The following ACO1 variants were observed in gnomAD, a reference collection of about 807,000 sequenced individuals.
ACO1 encodes aconitase 1.
Under a neutral mutation model 105.1 loss-of-function variants are expected in ACO1, and 78 were observed. That is an observed-to-expected ratio of 0.74 (90% CI 0.62 to 0.90). The LOEUF (loss-of-function observed/expected upper bound fraction) is 0.90. Among genes scored for constraint, ACO1 ranks in the 40% least tolerant of loss-of-function variants. The pLI is 0.00. For synonymous variants in ACO1, 364 were observed against 397.4 expected, an observed-to-expected ratio of 0.92 and a Z score of 1.00; for missense variants, 965 against 1,111.1, an observed-to-expected ratio of 0.87 and a Z score of 1.87.
intron 19 of ACO1, among the ~76,000 whole-genome samples, chr9:32,445,280 C>T (rs1039607725): frequency 1.3e-5 from 2 of 152,134 alleles, no homozygotes; most frequent in Admixed American, 1.3e-4. Context: ...ATTACTGCCT[C>T]AATTTCAGAA....
chr9:32,420,868 G>C lies in ACO1; in HGVS notation c.811G>C (p.Val271Leu), dbSNP rs1169225031. The change falls in exon 8 of 21, where the codon GTT (valine) becomes CTT (leucine). Residue 271 changes from valine (V) to leucine (L), a missense_variant. Val to Leu is a conservative substitution (Grantham distance 32). Coordinates refer to ENST00000309951, the MANE Select transcript of ACO1 (RefSeq NM_002197.3). ...TTCTGCTGCTTAGCACCTCCGCCAG[G>C]TTGGGGTAGTGGGCAAATTTGTCGA... ...VLTITKHLRQ[V>L]GVVGKFVEFF... is the part of the protein sequence containing the mutation. The C allele has an allele frequency of 6.2e-7, 1 of 1,613,660 alleles. No individual in the cohort carries two copies. The highest frequency in any genetic ancestry group is 1.3e-5 in the African/African-American group (1 of 74,918).
At chr9:32,427,169 C>G (rs1042145157) in intron 11 of ACO1, 132 bp from the exon 12 acceptor site, 1 of 1,157,926 alleles carries the variant, frequency 8.6e-7, no homozygotes, top group Non-Finnish European at 1.2e-6. Flanking sequence ...GCAGATAGCG[C>G]CAACATGAAG....
chr9:32,392,199 G>T (rs1171199483), intron 1 of ACO1, among the ~76,000 whole-genome samples: 3 of 152,116 alleles, frequency 2.0e-5, no homozygotes, highest in Non-Finnish European at 4.4e-5. Flanking sequence ...ACTGTAAAAT[G>T]ATATCACTTG....
In ACO1 at chr9:32,395,843, A is replaced by G. The variant is rs144663146; in HGVS notation, c.-22-9642A>G. 9.9e-3 allele frequency among the ~76,000 whole-genome samples: 1,513 copies of G among 152,362 alleles called. 24 individuals carry two copies. Among genetic ancestry groups the G allele is most frequent in the African/African-American group, 0.034 (1,420 of 41,590 alleles). On this transcript the variant is annotated intron_variant, in intron 1 of 20. Transcript: ENST00000309951. Reference sequence around the variant, plus strand: ...CAGTGACACTAAAAAGTAAAAGTGAATATTTCTGTGAGTTTGTGCTGCTGC... The same window carrying G: ...CAGTGACACTAAAAAGTAAAAGTGAGTATTTCTGTGAGTTTGTGCTGCTGC...
At position 32,408,500 on chromosome 9, in the gene ACO1, C is replaced by G. The variant is rs1821663303; in HGVS notation, c.267-14C>G. On this transcript the variant is annotated splice_polypyrimidine_tract_variant and intron_variant, in intron 3 of 20. Transcript: ENST00000309951. ...TAAGGCTTATTTTCTGCATTATTCTCTTTCTTCTCTTAGGGGTGTGCCCGC... is the reference window on the plus strand; with the variant it reads ...TAAGGCTTATTTTCTGCATTATTCTGTTTCTTCTCTTAGGGGTGTGCCCGC... 6.2e-7 allele frequency: 1 copy of G among 1,612,962 alleles called. No homozygotes were observed. Among genetic ancestry groups the G allele is most frequent in the Admixed American group, 1.7e-5 (1 of 59,736 alleles).
chr9:32,425,692 A>G, intron 10 of ACO1, 146 bp from the exon 11 acceptor site: 1 of 472,776 alleles, frequency 2.1e-6, no homozygotes, highest in African/African-American at 2.0e-5. Context: ...TTTGTTAAGA[A>G]TTGGCCTTTA....
intron 4 of ACO1, among the ~76,000 whole-genome samples, chr9:32,412,001 G>A (rs1821750997): frequency 6.6e-6 from 1 of 152,092 alleles, no homozygotes; most frequent in Non-Finnish European, 1.5e-5. Context: ...AGCCTTCCGA[G>A]TAGCTGTGAT....
chr9:32,384,798 C>T (rs1202769655), intron 1 of ACO1, 63 bp downstream of exon 1: 3 of 323,086 alleles, frequency 9.3e-6, no homozygotes, highest in African/African-American at 6.8e-5. Context: ...CTGTATCCCT[C>T]GAGAGTCGGT....
In ACO1 at chr9:32,399,966, G is replaced by GTTTTTTT. The variant is rs57615512; in HGVS notation, c.-22-5503_-22-5497dup. Among the ~76,000 whole-genome samples the GTTTTTTT allele has an allele frequency of 4.3e-3, 301 of 69,808 alleles. 26 individuals carry two copies. Among genetic ancestry groups the GTTTTTTT allele is most frequent in the Admixed American group, 5.2e-3 (24 of 4,598 alleles). The allele number at this position is 69,808 out of a possible 152,430, so 45.8% of individuals were successfully genotyped here. On this transcript the variant is annotated intron_variant, in intron 1 of 20. Coordinates refer to ENST00000309951, the MANE Select transcript of ACO1 (RefSeq NM_002197.3). ...ATTTCTTTTATTTTTTTCTTTTTCT[G>GTTTTTTT]TTTTTTTTTTTTTTTTTTTTTTGCG...
chr9:32,436,664 G>A (rs1331621818), intron 18 of ACO1, among the ~76,000 whole-genome samples: 1 of 152,204 alleles, frequency 6.6e-6, no homozygotes, highest in Admixed American at 6.5e-5. Flanking sequence ...TTCATTTAAA[G>A]TATTCGAAGG....
chr9:32,420,868 G>T lies in ACO1; in HGVS notation c.811G>T (p.Val271Phe). ...TTCTGCTGCTTAGCACCTCCGCCAG[G>T]TTGGGGTAGTGGGCAAATTTGTCGA... ...VLTITKHLRQVGVVGKFVEFF... is the reference protein window; with the variant it reads ...VLTITKHLRQFGVVGKFVEFF... The change falls in exon 8 of 21, where the codon GTT becomes TTT. Residue 271 changes from valine (V) to phenylalanine (F), a missense_variant. By Grantham distance (50) the Val-to-Phe change is conservative. Coordinates refer to ENST00000309951, the MANE Select transcript of ACO1 (RefSeq NM_002197.3). The T allele has an allele frequency of 6.2e-7, 1 of 1,613,778 alleles. No homozygotes were observed. Among genetic ancestry groups the T allele is most frequent in the South Asian group, 1.1e-5 (1 of 91,052 alleles).
At chr9:32,436,016 A>G (rs7022554) in intron 17 of ACO1, 373,866 of 669,714 alleles carry the variant, frequency 0.56, 105,270 homozygotes, top group African/African-American at 0.58. Context: ...TTGAAAGACA[A>G]TTAACCCAGG....
At chr9:32,405,675 TGAG>T (rs1408739411) in intron 2 of ACO1, 72 bp downstream of exon 2, 18 of 1,142,906 alleles carry the variant, frequency 1.6e-5, no homozygotes, top group Admixed American at 1.1e-4. Flanking sequence ...TAATTACACT[TGAG>T]GAGAGTTTGA....
At chr9:32,392,871 A>G (rs143202855) in intron 1 of ACO1, among the ~76,000 whole-genome samples, 6,482 of 152,276 alleles carry the variant, frequency 0.043, 217 homozygotes, top group African/African-American at 0.083. Context: ...CTCTACTGCA[A>G]TCTCTGAACA....
chr9:32,420,245 C>A (rs929274865), intron 7 of ACO1, among the ~76,000 whole-genome samples: 1 of 114,284 alleles, frequency 8.8e-6, no homozygotes, highest in African/African-American at 2.6e-5. Context: ...TTGACTTATA[C>A]TTGTAGCATG....
chr9:32,442,751 C>A (rs1822510580), intron 19 of ACO1, among the ~76,000 whole-genome samples: 1 of 152,164 alleles, frequency 6.6e-6, no homozygotes, highest in Admixed American at 6.5e-5. Context: ...GATGTGGATT[C>A]CAGATACAAT....
At chr9:32,423,034 C>A (rs1822009560) in intron 8 of ACO1, among the ~76,000 whole-genome samples, 1 of 152,124 alleles carries the variant, frequency 6.6e-6, no homozygotes, top group African/African-American at 2.4e-5. Flanking sequence ...AAAGGCTATA[C>A]CCCAAAAGAG....
intron 2 of ACO1, among the ~76,000 whole-genome samples, chr9:32,406,418 T>G (rs113970531): frequency 0.027 from 4,038 of 152,250 alleles, 174 homozygotes; most frequent in African/African-American, 0.093. Context: ...TCCAGGAGTT[T>G]AAGACTAGCC....
chr9:32,438,267 A>T (rs1169179660), intron 18 of ACO1, among the ~76,000 whole-genome samples: 1 of 152,248 alleles, frequency 6.6e-6, no homozygotes, highest in Non-Finnish European at 1.5e-5. Context: ...TAAAGTAATG[A>T]CACATTCAGA....
Sources: gnomAD v4.1 joint callset for allele counts (sites outside exome capture counted in the v4.1 genomes callset) on GRCh38, gnomAD v4.1.1 for gene constraint, MANE v1.5 for transcripts, NCBI Gene and HGNC (gene_info 2026-07-23, HGNC 2026-07-21) for gene names.